PRR36: variants seen among roughly 807,000 people sequenced by gnomAD.
The protein encoded by PRR36 is proline-rich protein 36.
A neutral mutation model predicts 58.6 loss-of-function variants in PRR36; 30 were observed. The ratio of observed to expected loss-of-function variants is 0.51; its 90% CI spans 0.38 to 0.69. PRR36 has a LOEUF of 0.69. PRR36 is among the 30% of genes least tolerant of loss of function. The probability of loss-of-function intolerance (pLI) is 0.00; values close to 1 mark genes in which losing one functional copy is unlikely to be tolerated. For synonymous variants in PRR36, 771 were observed against 829.3 expected, an observed-to-expected ratio of 0.93 and a Z score of 1.21; for missense variants, 1,692 against 1,805.6, an observed-to-expected ratio of 0.94 and a Z score of 1.14.
Position 7,869,495 on chromosome 19 carries a change from A to C in PRR36, c.3579T>G (p.Gly1193=). The C allele has an allele frequency of 6.6e-7, 1 of 1,519,914 alleles. No individual in the cohort carries two copies. The highest frequency in any genetic ancestry group is 8.8e-7 in the Non-Finnish European group (1 of 1,140,026). The allele number at this position is 1,519,914 out of a possible 1,614,324, so 94.2% of individuals were successfully genotyped here. ...CTTCAGTCTCGTAGATGGTGCACAG[A>C]CCGTCAGCAGAGCCCGGTCCGGTAG... ...PPATGPGSAD[G]LCTIYETEGP... is the part of the protein sequence containing the mutation. The change falls in exon 6 of 6, where the codon GGT becomes GGG. Residue 1193 remains glycine, a synonymous_variant. Transcript: ENST00000618550.
In PRR36 at chr19:7,869,857, C is replaced by A. The variant is rs1316115172; in HGVS notation, c.3387G>T (p.Thr1129=). 1 of 1,339,794 alleles carries A rather than the reference C, an allele frequency of 7.5e-7. No homozygotes were observed. The highest frequency in any genetic ancestry group is 9.5e-7 in the Non-Finnish European group (1 of 1,051,906). The allele number at this position is 1,339,794 out of a possible 1,614,324, so 83.0% of individuals were successfully genotyped here. The change falls in exon 5 of 6, where the codon ACG becomes ACT. Residue 1129 remains threonine (T), a synonymous_variant. Coordinates refer to ENST00000618550, the MANE Select transcript of PRR36 (RefSeq NM_001190467.2). The stretch of plus-strand genomic sequence containing the variant: ...TGTCGTAGCCACGCAGCTCCTCTGG[C>A]GTGCTCGTGGCGCTGCTGCTGTGGC... ...LAGHSSSATS[T]PEELRGYDSG... is the part of the protein sequence containing the mutation.
Position 7,872,892 on chromosome 19 carries a change from T to C in PRR36, c.444A>G (p.Thr148=). The C allele has an allele frequency of 6.5e-7, 1 of 1,536,074 alleles. No individual in the cohort carries two copies. Among genetic ancestry groups the C allele is most frequent in the Non-Finnish European group, 8.7e-7 (1 of 1,146,868 alleles). Residue 148 remains threonine, a synonymous_variant, in exon 4 of 6, where the codon ACA becomes ACG. Coordinates refer to ENST00000618550, the MANE Select transcript of PRR36 (RefSeq NM_001190467.2). The surrounding 1 kb of genome is among the most constrained non-coding windows in gnomAD (Gnocchi z 6.1). The part of the protein sequence containing the change: ...AEETVARGKA[T]EAPKRSALSA... ...TGAGGGCACTCCTTTTGGGAGCCTCTGTAGCTTTTCCTCTGGCCACAGTTT... is the reference window on the plus strand; with the variant it reads ...TGAGGGCACTCCTTTTGGGAGCCTCCGTAGCTTTTCCTCTGGCCACAGTTT...
Position 7,873,357 on chromosome 19 carries a change from T to C in PRR36, c.272-58A>G, listed in dbSNP as rs1408694140. The C allele has an allele frequency of 6.6e-7, 1 of 1,516,410 alleles. No homozygotes were observed. Among genetic ancestry groups the C allele is most frequent in the Non-Finnish European group, 8.8e-7 (1 of 1,135,688 alleles). 93.9% of individuals were successfully genotyped at this position (1,516,410 alleles called of 1,614,324 possible). A position where few individuals can be genotyped will look rare whatever the true frequency, so the allele number is the denominator to read the frequency against. On this transcript the variant is annotated intron_variant, in intron 2 of 5. Coordinates refer to ENST00000618550, the MANE Select transcript of PRR36 (RefSeq NM_001190467.2). This position sits in a 1 kb window ranked among gnomAD's most constrained non-coding sequence, Gnocchi z 5.0. ...GGAGAGGTGGCAGTGGAGGTGAGAC[T>C]GGACAGGTATTGGAAGGGGGAGGGA...
At position 7,873,356 on chromosome 19, in the gene PRR36, C is replaced by G. The variant is rs1980553899; in HGVS notation, c.272-57G>C. ...CGGAGAGGTGGCAGTGGAGGTGAGA[C>G]TGGACAGGTATTGGAAGGGGGAGGG... On this transcript the variant is annotated intron_variant, in intron 2 of 5. Transcript: ENST00000618550. This position sits in a 1 kb window ranked among gnomAD's most constrained non-coding sequence, Gnocchi z 5.0. 2.4e-5 allele frequency: 36 copies of G among 1,518,700 alleles called. No homozygotes were observed. Among genetic ancestry groups the G allele is most frequent in the Non-Finnish European group, 3.2e-5 (36 of 1,136,996 alleles). 94.1% of individuals were successfully genotyped at this position (1,518,700 alleles called of 1,614,324 possible). A position where few individuals can be genotyped will look rare whatever the true frequency, so the allele number is the denominator to read the frequency against.
Position 7,869,529 on chromosome 19 carries a change from C to A in PRR36, c.3545G>T (p.Trp1182Leu). Residue 1182 changes from tryptophan to leucine, a missense_variant, in exon 6 of 6, where the codon TGG becomes TTG. Around this residue, in one of 5 missense-constraint regions of PRR36, gnomAD observed 485 missense variants for 549.2 expected, o/e 0.88. Transcript: ENST00000618550. ...FRGAPGAPLP[W>L]PPATGPGSAD... ...AGAGCCCGGTCCGGTAGCGGGAGGC[C>A]ACGGCAGGGGCGCACCTGCGGGGAG... 1 of 1,518,812 alleles carries A rather than the reference C, an allele frequency of 6.6e-7. No individual in the cohort carries two copies. The highest frequency in any genetic ancestry group is 2.6e-5 in the East Asian group (1 of 38,030). The allele number at this position is 1,518,812 out of a possible 1,614,324, so 94.1% of individuals were successfully genotyped here. A position where few individuals can be genotyped will look rare whatever the true frequency, so the allele number is the denominator to read the frequency against.
rs1313082350 is a variant in PRR36 at position 7,872,797 on chromosome 19, G to C, written c.488-41C>G. On this transcript the variant is annotated intron_variant, in intron 4 of 5. Transcript: ENST00000618550. This position sits in a 1 kb window ranked among gnomAD's most constrained non-coding sequence, Gnocchi z 6.1. ...AAGGCCAAGGGTCACCGATACCTCTGAGGCGGCTCCCCTTGCTGCCCAGGA... is the reference window on the plus strand; with the variant it reads ...AAGGCCAAGGGTCACCGATACCTCTCAGGCGGCTCCCCTTGCTGCCCAGGA... The C allele has an allele frequency of 6.5e-6, 10 of 1,527,824 alleles. No homozygotes were observed. In the East Asian group the frequency reaches 2.0e-4, roughly 30 times the overall value. 94.6% of individuals were successfully genotyped at this position (1,527,824 alleles called of 1,614,324 possible). A position where few individuals can be genotyped will look rare whatever the true frequency, so the allele number is the denominator to read the frequency against.
Position 7,873,939 on chromosome 19 carries a change from C to T in PRR36, c.-7-243G>A, listed in dbSNP as rs1348851092. Among the ~76,000 whole-genome samples, 4 of 151,994 alleles carry T rather than the reference C, an allele frequency of 2.6e-5. No individual in the cohort carries two copies. Among genetic ancestry groups the T allele is most frequent in the Non-Finnish European group, 4.4e-5 (3 of 67,978 alleles). Reference sequence around the variant, plus strand: ...CCTAAAGCGAAGAGGCCCTGCCCGCCCCAGCCCACCGCCTCCCCCGCCTCG... The same window carrying T: ...CCTAAAGCGAAGAGGCCCTGCCCGCTCCAGCCCACCGCCTCCCCCGCCTCG... On this transcript the variant is annotated intron_variant, in intron 1 of 5. Coordinates refer to ENST00000618550, the MANE Select transcript of PRR36 (RefSeq NM_001190467.2). This position sits in a 1 kb window ranked among gnomAD's most constrained non-coding sequence, Gnocchi z 5.0.
At position 7,869,450 on chromosome 19, in the gene PRR36, G is replaced by A. The variant is rs1406438542; in HGVS notation, c.3624C>T (p.Pro1208=). Residue 1208 remains proline, a synonymous_variant, in exon 6 of 6, where the codon CCC becomes CCT. Coordinates refer to ENST00000618550, the MANE Select transcript of PRR36 (RefSeq NM_001190467.2). ...GCCCCGGATCCAGTGCGCCAGGGGC[G>A]GGGGTCGCCGACTCGGGCCCTTCAG... ...YETEGPESAT[P]APGALDPGPS... is the part of the protein sequence containing the mutation. The A allele has an allele frequency of 6.0e-6, 9 of 1,503,108 alleles. No homozygotes were observed. The highest frequency in any genetic ancestry group is 5.6e-5 in the East Asian group (2 of 35,766). The allele number at this position is 1,503,108 out of a possible 1,614,324, so 93.1% of individuals were successfully genotyped here.
chr19:7,870,304 T>A lies in PRR36; in HGVS notation c.2940A>T (p.Pro980=). 3.0e-6 allele frequency: 3 copies of A among 988,236 alleles called. No individual in the cohort carries two copies. Among genetic ancestry groups the A allele is most frequent in the Non-Finnish European group, 3.6e-6 (3 of 842,126 alleles). The allele number at this position is 988,236 out of a possible 1,614,324, so 61.2% of individuals were successfully genotyped here. ...SPSATPPPRV[P]PLLAAPPLQV... is the part of the protein sequence containing the mutation. ...GCAGAGGAGGAGCGGCAAGAAGGGG[T>A]GGGACCCGTGGAGGGGGCGTGGCCG... Residue 980 remains proline, a synonymous_variant, in exon 5 of 6, where the codon CCA becomes CCT. Coordinates refer to ENST00000618550, the MANE Select transcript of PRR36 (RefSeq NM_001190467.2).
Position 7,874,129 on chromosome 19 carries a change from G to A in PRR36, c.-8+157C>T, listed in dbSNP as rs1396844454. Among the ~76,000 whole-genome samples the A allele has an allele frequency of 6.6e-6, 1 of 152,148 alleles. No homozygotes were observed. Among genetic ancestry groups the A allele is most frequent in the African/African-American group, 2.4e-5 (1 of 41,452 alleles). ...CGCCAGCCCCCATCGGCCTCCCCTG[G>A]CCTCCCCGAGGGATGCCTGCACCTG... On this transcript the variant is annotated intron_variant, in intron 1 of 5. Coordinates refer to ENST00000618550, the MANE Select transcript of PRR36 (RefSeq NM_001190467.2). The surrounding 1 kb of genome is among the most constrained non-coding windows in gnomAD (Gnocchi z 6.0).
Position 7,869,942 on chromosome 19 carries a change from C to G in PRR36, c.3302G>C (p.Gly1101Ala). 7.3e-7 allele frequency: 1 copy of G among 1,369,758 alleles called. No homozygotes were observed. The highest frequency in any genetic ancestry group is 9.4e-7 in the Non-Finnish European group (1 of 1,068,926). The allele number at this position is 1,369,758 out of a possible 1,614,324, so 84.9% of individuals were successfully genotyped here. The stretch of plus-strand genomic sequence containing the variant: ...GCTGCGCGAGGGCGGCGGCGGCGGG[C>G]CGGGGGCCAACGCCAGGGTCAGCCG... The part of the protein sequence containing the change: ...GPRLTLALAP[G>A]PPPPPSRSPS... The change falls in exon 5 of 6, where the codon GGC becomes GCC. Residue 1101 changes from glycine (G) to alanine (A), a missense_variant. Transcript: ENST00000618550.
Position 7,871,525 on chromosome 19 carries a change from C to A in PRR36, c.1719G>T (p.Thr573=). 1 of 1,523,250 alleles carries A rather than the reference C, an allele frequency of 6.6e-7. No individual in the cohort carries two copies. The highest frequency in any genetic ancestry group is 1.2e-5 in the South Asian group (1 of 83,400). The allele number at this position is 1,523,250 out of a possible 1,614,324, so 94.4% of individuals were successfully genotyped here. A position where few individuals can be genotyped will look rare whatever the true frequency, so the allele number is the denominator to read the frequency against. Residue 573 remains threonine, a synonymous_variant, in exon 5 of 6, where the codon ACG becomes ACT. Transcript: ENST00000618550. The part of the protein sequence containing the change: ...PHPQAPPSMT[T]PPMQAPPSLQ... ...GAGAGGGCGGGGCCTGCATAGGGGG[C>A]GTAGTCATAGAAGGTGGGGCCTGTG...
chr19:7,871,188 G>T lies in PRR36; in HGVS notation c.2056C>A (p.His686Asn). 6.5e-7 allele frequency: 1 copy of T among 1,534,942 alleles called. No homozygotes were observed. Among genetic ancestry groups the T allele is most frequent in the Non-Finnish European group, 8.7e-7 (1 of 1,146,618 alleles). Residue 686 changes from histidine (H) to asparagine (N), a missense_variant, in exon 5 of 6, where the codon CAC becomes AAC. By Grantham distance (68) the His-to-Asn change is moderately conservative. Around this residue, in one of 5 missense-constraint regions of PRR36, gnomAD observed 975 missense variants for 955.2 expected, o/e 1.02. Transcript: ENST00000618550. ...VSPLSSPLTI[H>N]PLQALSSLAS... is the part of the protein sequence containing the mutation. ...AGAGAAGATAGCGCCTGCAGAGGGT[G>T]TATGGTCAGGGGTGAGCTTAGGGGT...
chr19:7,872,037 T>G lies in PRR36; in HGVS notation c.1207A>C (p.Ile403Leu), dbSNP rs1191500811. The G allele has an allele frequency of 1.3e-6, 2 of 1,532,668 alleles. No homozygotes were observed. The highest frequency in any genetic ancestry group is 2.8e-5 in the African/African-American group (2 of 71,742). 94.9% of individuals were successfully genotyped at this position (1,532,668 alleles called of 1,614,324 possible). The change falls in exon 5 of 6, where the codon ATT becomes CTT. Residue 403 changes from isoleucine (I) to leucine (L), a missense_variant. Coordinates refer to ENST00000618550, the MANE Select transcript of PRR36 (RefSeq NM_001190467.2). This position sits in a 1 kb window ranked among gnomAD's most constrained non-coding sequence, Gnocchi z 6.1. ...ACGCCTGCTTCTGGAAAGGACATAATCAGCTGTGTGGGTGGAACTTGCGAG... is the reference window on the plus strand; with the variant it reads ...ACGCCTGCTTCTGGAAAGGACATAAGCAGCTGTGTGGGTGGAACTTGCGAG... ...PPSQVPPTQL[I>L]MSFPEAGVSS...
chr19:7,869,831 C>G lies in PRR36; in HGVS notation c.3413G>C (p.Ser1138Thr). The part of the protein sequence containing the change: ...STPEELRGYD[S>T]GPEGGAAASP... ...GGCTGCGGCACCGCCCTCGGGCCCG[C>G]TGTCGTAGCCACGCAGCTCCTCTGG... The change falls in exon 5 of 6, where the codon AGC (serine) becomes ACC (threonine). Residue 1138 changes from serine to threonine, a missense_variant. Coordinates refer to ENST00000618550, the MANE Select transcript of PRR36 (RefSeq NM_001190467.2). 7.4e-7 allele frequency: 1 copy of G among 1,350,128 alleles called. No individual in the cohort carries two copies. Among genetic ancestry groups the G allele is most frequent in the South Asian group, 1.8e-5 (1 of 54,466 alleles). 83.6% of individuals were successfully genotyped at this position (1,350,128 alleles called of 1,614,324 possible).
Position 7,873,091 on chromosome 19 carries a change from A to G in PRR36, c.374+106T>C. The G allele has an allele frequency of 2.3e-6, 3 of 1,327,028 alleles. No individual in the cohort carries two copies. The highest frequency in any genetic ancestry group is 1.0e-6 in the Non-Finnish European group (1 of 961,024). The allele number at this position is 1,327,028 out of a possible 1,614,324, so 82.2% of individuals were successfully genotyped here. On this transcript the variant is annotated intron_variant, in intron 3 of 5. Transcript: ENST00000618550. This position sits in a 1 kb window ranked among gnomAD's most constrained non-coding sequence, Gnocchi z 5.0. ...AATGGCTTTCACCCAATTTGTGCCCAGTGACCTGCAAGTGCTCCCGCGCCC... is the reference window on the plus strand; with the variant it reads ...AATGGCTTTCACCCAATTTGTGCCCGGTGACCTGCAAGTGCTCCCGCGCCC...
In PRR36 at chr19:7,869,282, C is replaced by A. The variant is rs570073710; in HGVS notation, c.3792G>T (p.Thr1264=). Residue 1264 remains threonine (T), a synonymous_variant, in exon 6 of 6, where the codon ACG becomes ACT. Transcript: ENST00000618550. ...CACCCTCGGCAGCCGCCAGCAGCAGCGTCCGGCTCAGCAGGTGCTGCACGA... is the reference window on the plus strand; with the variant it reads ...CACCCTCGGCAGCCGCCAGCAGCAGAGTCCGGCTCAGCAGGTGCTGCACGA... ...ASVVQHLLSR[T]LLLAAAEGAA... is the part of the protein sequence containing the mutation. The A allele has an allele frequency of 1.5e-4, 222 of 1,455,346 alleles. 1 individual carries two copies. The highest frequency in any genetic ancestry group is 1.2e-3 in the Admixed American group (43 of 36,764). 90.2% of individuals were successfully genotyped at this position (1,455,346 alleles called of 1,614,324 possible). A position where few individuals can be genotyped will look rare whatever the true frequency, so the allele number is the denominator to read the frequency against.
chr19:7,871,167 A>G lies in PRR36; in HGVS notation c.2077T>C (p.Ser693Pro), dbSNP rs766528807. The change falls in exon 5 of 6, where the codon TCT becomes CCT. Residue 693 changes from serine to proline, a missense_variant. Physicochemically the swap from Ser to Pro is moderately conservative, Grantham distance 74 (BLOSUM62 -1). Transcript: ENST00000618550. Reference sequence around the variant, plus strand: ...GCCTGAGGAGAGTGGGAGGCCAGAGAAGATAGCGCCTGCAGAGGGTGTATG... The same window carrying G: ...GCCTGAGGAGAGTGGGAGGCCAGAGGAGATAGCGCCTGCAGAGGGTGTATG... ...LTIHPLQALS[S>P]LASHSPQAPL... is the part of the protein sequence containing the mutation. 4 of 1,534,438 alleles carry G rather than the reference A, an allele frequency of 2.6e-6. No individual in the cohort carries two copies. In the South Asian group the frequency reaches 4.8e-5, roughly 18 times the overall value.
chr19:7,870,490 TG>T lies in PRR36; in HGVS notation c.2753del (p.Pro918HisfsTer4). On this transcript the variant is annotated frameshift_variant, in exon 5 of 6. Transcript: ENST00000618550. LOFTEE classifies it high-confidence loss of function. Reference protein sequence around the residue: ...SPSATPPSQAPPSLAAPPLQV... With the variant: ...SPSATPPSQAXPSLAAPPLQV... ...GCAGAGGAGGTGCGGCTAGAGAGGGTGGGGCCTGTGAAGGGGGCGTGGCCGA... is the reference window on the plus strand; with the variant it reads ...GCAGAGGAGGTGCGGCTAGAGAGGGTGGGCCTGTGAAGGGGGCGTGGCCGA... 2 of 864,766 alleles carry T rather than the reference TG, an allele frequency of 2.3e-6. No homozygotes were observed. The highest frequency in any genetic ancestry group is 2.7e-6 in the Non-Finnish European group (2 of 739,468). 53.6% of individuals were successfully genotyped at this position (864,766 alleles called of 1,614,324 possible).
Sources: allele counts gnomAD v4.1 joint callset (sites outside exome capture counted in the v4.1 genomes callset), GRCh38; gene constraint gnomAD v4.1.1; regional missense constraint gnomAD v4.1.1; non-coding constraint Gnocchi (gnomAD v3.1); transcripts MANE v1.5; gene names NCBI Gene and HGNC (gene_info 2026-07-23, HGNC 2026-07-21).